AFF3: variants seen among roughly 807,000 people sequenced by gnomAD.
The protein encoded by AFF3 is AF4/FMR2 family member 3.
In AFF3, 32 loss-of-function variants were observed where a neutral mutation model predicts 129.7. The ratio of observed to expected loss-of-function variants is 0.25; its 90% CI spans 0.19 to 0.33. The LOEUF (loss-of-function observed/expected upper bound fraction) is 0.33, where lower values mean the gene tolerates loss of function less well. Among genes scored for constraint, AFF3 ranks in the 10% least tolerant of loss-of-function variants. The pLI is 1.00. For synonymous variants in AFF3, 644 were observed against 635.4 expected (o/e 1.01, Z -0.20); for missense variants, 1,373 against 1,592.0 (o/e 0.86, Z 2.34).
At position 99,662,064 on chromosome 2, in the gene AFF3, C is replaced by T. The variant is rs188707554; in HGVS notation, c.1143+10474G>A. Among the ~76,000 whole-genome samples the T allele has an allele frequency of 9.7e-3, 1,472 of 152,012 alleles. 21 individuals are homozygous for T. The highest frequency in any genetic ancestry group is 0.033 in the African/African-American group (1,358 of 41,442). Reference sequence around the variant, plus strand: ...CTGAGGCAGGAGAATCGCTTGAACCCGGGAGGCGGAGGTTGCAGTGGGCCA... The same window carrying T: ...CTGAGGCAGGAGAATCGCTTGAACCTGGGAGGCGGAGGTTGCAGTGGGCCA... On this transcript the variant is annotated intron_variant, in intron 12 of 24. Coordinates refer to ENST00000672756, the MANE Select transcript of AFF3 (RefSeq NM_001386135.1).
chr2:99,929,619 C>CA (rs1164138571), intron 7 of AFF3, among the ~76,000 whole-genome samples: 2 of 151,934 alleles, frequency 1.3e-5, no homozygotes, highest in Non-Finnish European at 1.5e-5. Context: ...ATCTTTTTAC[C>CA]AAAAAATGTC....
intron 4 of AFF3, among the ~76,000 whole-genome samples, chr2:100,089,450 ATATAAG>A (rs1185300644): frequency 2.2e-5 from 1 of 44,734 alleles, no homozygotes; most frequent in African/African-American, 9.1e-5. Context: ...GAATCAAGAC[ATATAAG>A]TATACCTTAC....
intron 7 of AFF3, among the ~76,000 whole-genome samples, chr2:99,986,649 T>C (rs1487285119): frequency 1.3e-5 from 2 of 152,210 alleles, no homozygotes; most frequent in African/African-American, 4.8e-5. Flanking sequence ...AATGACTTAT[T>C]ATACTGTTTT....
chr2:99,711,178 A>T (rs1422843140), intron 11 of AFF3, among the ~76,000 whole-genome samples: 1 of 151,952 alleles, frequency 6.6e-6, no homozygotes, highest in Non-Finnish European at 1.5e-5. Context: ...TTCTTCCTTA[A>T]CATCTCTCCC....
rs369336934 is a variant in AFF3, at chr2:99,549,603, TG to T, written c.*1870del. Reference sequence around the variant, plus strand: ...CGTCTCAAAAAAAAAGTGAAAGGGTTGTAAGAAGCACCCCAGTTGGAGACAT... The same window carrying T: ...CGTCTCAAAAAAAAAGTGAAAGGGTTTAAGAAGCACCCCAGTTGGAGACAT... On this transcript the variant is annotated 3_prime_UTR_variant, in exon 25 of 25. Coordinates refer to ENST00000672756, the MANE Select transcript of AFF3 (RefSeq NM_001386135.1). The T allele has an allele frequency of 2.5e-3, 497 of 199,862 alleles. 2 individuals are homozygous for T. The highest frequency in any genetic ancestry group is 0.011 in the African/African-American group (469 of 43,584). 12.4% of individuals were successfully genotyped at this position (199,862 alleles called of 1,614,324 possible).
chr2:99,995,538 A>C (rs953166008), intron 7 of AFF3, among the ~76,000 whole-genome samples: 2 of 151,986 alleles, frequency 1.3e-5, no homozygotes, highest in South Asian at 2.1e-4. Flanking sequence ...ATGCCTGGCA[A>C]ATTTTTTGTA....
chr2:100,026,696 T>C (rs1354597564), intron 4 of AFF3, among the ~76,000 whole-genome samples: 2 of 137,268 alleles, frequency 1.5e-5, no homozygotes, highest in Admixed American at 7.5e-5. Flanking sequence ...GATTGATATA[T>C]ATAAATAAAT....
At chr2:99,708,390 C>G (rs1437458842) in intron 11 of AFF3, among the ~76,000 whole-genome samples, 1 of 152,132 alleles carries the variant, frequency 6.6e-6, no homozygotes, top group Non-Finnish European at 1.5e-5. Context: ...AAAAGCTCCA[C>G]AGAGCATGTC....
At chr2:99,586,895 G>A (rs781010766) in intron 16 of AFF3, among the ~76,000 whole-genome samples, 1 of 152,162 alleles carries the variant, frequency 6.6e-6, no homozygotes, top group Non-Finnish European at 1.5e-5. Flanking sequence ...GGAAGGGCAT[G>A]TCTTGGGGAG....
intron 7 of AFF3, among the ~76,000 whole-genome samples, chr2:99,944,538 G>A (rs905476871): frequency 5.3e-5 from 8 of 152,214 alleles, no homozygotes; most frequent in Admixed American, 3.3e-4. Context: ...GGAATCCAGT[G>A]ATGAATGGAG....
rs1256077470 is a variant in AFF3, at chr2:99,594,054, G to A, written c.1607C>T (p.Ala536Val). Residue 536 changes from alanine (A) to valine (V), a missense_variant, in exon 15 of 25, where the codon GCC (alanine) becomes GTC (valine). This residue lies in a region of AFF3 where 413 missense variants were observed against 424.4 expected (regional missense o/e 0.97). Coordinates refer to ENST00000672756, the MANE Select transcript of AFF3 (RefSeq NM_001386135.1). ...GCCTTTACTCCCAGGGGCCTTGTTG[G>A]CTGTCCTTGGCCTTTGCTCCTCCTT... ...TCKEEQRPRT[A>V]NKAPGSKGVK... is the part of the protein sequence containing the mutation. 2 of 1,611,530 alleles carry A rather than the reference G, an allele frequency of 1.2e-6. No homozygotes were observed. The highest frequency in any genetic ancestry group is 1.7e-6 in the Non-Finnish European group (2 of 1,178,386).
chr2:99,883,077 G>T (rs964162805), intron 7 of AFF3, among the ~76,000 whole-genome samples: 1 of 152,228 alleles, frequency 6.6e-6, no homozygotes, highest in Non-Finnish European at 1.5e-5. Flanking sequence ...TTTAGGAAGA[G>T]AACTGGCTAG....
intron 24 of AFF3, among the ~76,000 whole-genome samples, chr2:99,553,942 GAAAA>G (rs1674666141): frequency 9.1e-6 from 1 of 110,064 alleles, no homozygotes; most frequent in African/African-American, 3.6e-5. Flanking sequence ...AAAAAAAAAA[GAAAA>G]AGAAAAAGAA....
intron 4 of AFF3, among the ~76,000 whole-genome samples, chr2:100,074,600 T>C (rs1482826687): frequency 6.6e-6 from 1 of 152,212 alleles, no homozygotes; most frequent in Non-Finnish European, 1.5e-5. Flanking sequence ...CCCAGCACTG[T>C]TTACAGAATT....
intron 7 of AFF3, among the ~76,000 whole-genome samples, chr2:99,964,291 A>G (rs932651844): frequency 6.6e-6 from 1 of 152,168 alleles, no homozygotes; most frequent in African/African-American, 2.4e-5. Flanking sequence ...TCTACTCAAC[A>G]GCAGAATACA....
intron 7 of AFF3, among the ~76,000 whole-genome samples, chr2:99,840,041 G>A (rs1266466147): frequency 6.6e-6 from 1 of 152,156 alleles, no homozygotes; most frequent in Non-Finnish European, 1.5e-5. Flanking sequence ...TATTATAGGA[G>A]TGCTTTGTAT....
intron 11 of AFF3, among the ~76,000 whole-genome samples, chr2:99,672,814 AG>A (rs1687284156): frequency 1.3e-5 from 2 of 152,234 alleles, no homozygotes; most frequent in Non-Finnish European, 2.9e-5. Context: ...AACAGTCATC[AG>A]CTAAGACGGG....
At chr2:100,105,745 C>T (rs1691248875) in intron 2 of AFF3, 162 bp from the exon 3 acceptor site, 1 of 1,362,870 alleles carries the variant, frequency 7.3e-7, no homozygotes, top group South Asian at 1.2e-5. Context: ...GGCCTAGAAC[C>T]GGAAGCCCCT....
In AFF3 at chr2:100,064,881, AC is replaced by A. The variant is rs527892096; in HGVS notation, c.53+39520del. ...CATTATGATTAGATACTCTCCATAT[AC>A]ATCAGCTAGCCAGAAAAGGGGAGGA... is the stretch of plus-strand genomic sequence containing the variant. On this transcript the variant is annotated intron_variant, in intron 4 of 24. Coordinates refer to ENST00000672756, the MANE Select transcript of AFF3 (RefSeq NM_001386135.1). Among the ~76,000 whole-genome samples the A allele has an allele frequency of 1.9e-3, 297 of 152,342 alleles. 5 individuals carry two copies. The highest frequency in any genetic ancestry group is 6.9e-3 in the African/African-American group (287 of 41,578).
Sources: allele counts gnomAD v4.1 joint callset (sites outside exome capture counted in the v4.1 genomes callset), GRCh38; gene constraint gnomAD v4.1.1; regional missense constraint gnomAD v4.1.1; transcripts MANE v1.5; gene names NCBI Gene and HGNC (gene_info 2026-07-23, HGNC 2026-07-21).